The following FOXP2 variants were observed in gnomAD, a reference collection of about 807,000 sequenced individuals.
The protein encoded by FOXP2 is forkhead box P2.
FOXP2 carries 12 observed loss-of-function variants against 115.8 expected under a neutral mutation model. The ratio of observed to expected loss-of-function variants is 0.10; its 90% confidence interval spans 0.07 to 0.17. FOXP2 has a LOEUF of 0.17. FOXP2 is among the 10% of genes least tolerant of loss of function. FOXP2 has a pLI of 1.00. For synonymous variants in FOXP2, 328 were observed against 297.7 expected, an observed-to-expected ratio of 1.10 and a Z score of -1.05; for missense variants, 629 against 843.5, an observed-to-expected ratio of 0.75 and a Z score of 3.15.
intron 2 of FOXP2, among the ~76,000 whole-genome samples, chr7:114,330,000 T>C (rs1281316901): frequency 1.3e-5 from 2 of 152,130 alleles, no homozygotes; most frequent in Admixed American, 1.3e-4. Flanking sequence ...CTTTTAGTTG[T>C]TATAGTTACA....
chr7:114,386,133 A>G (rs1792445366), intron 2 of FOXP2, among the ~76,000 whole-genome samples: 1 of 152,174 alleles, frequency 6.6e-6, no homozygotes, highest in Admixed American at 6.5e-5. Flanking sequence ...ATCCAGAGGG[A>G]TGGGAGTCGG....
intron 3 of FOXP2, among the ~76,000 whole-genome samples, chr7:114,556,504 A>C (rs970284544): frequency 1.3e-5 from 2 of 152,328 alleles, no homozygotes; most frequent in Non-Finnish European, 2.9e-5. Flanking sequence ...AGTAAAAGAG[A>C]TGCTGGTACT....
chr7:114,470,212 G>A (rs190473884), intron 2 of FOXP2, among the ~76,000 whole-genome samples: 1 of 152,140 alleles, frequency 6.6e-6, no homozygotes, highest in East Asian at 1.9e-4. Context: ...TGCTCTCTTA[G>A]CTGCAACTTG....
At position 114,653,911 on chromosome 7, in the gene FOXP2, A is replaced by G. The variant is rs1806428255; in HGVS notation, c.1183-15A>G. The G allele has an allele frequency of 6.2e-7, 1 of 1,611,524 alleles. No homozygotes were observed. Among genetic ancestry groups the G allele is most frequent in the East Asian group, 2.2e-5 (1 of 44,826 alleles). ...TCATTTCTAAAACGCTTCTGATCTC[A>G]CTCTTTCTTAACAGCTTTCTAAAGA... On this transcript the variant is annotated splice_polypyrimidine_tract_variant and intron_variant, in intron 9 of 16. Coordinates refer to ENST00000350908, the MANE Select transcript of FOXP2 (RefSeq NM_014491.4).
Position 114,662,184 on chromosome 7 carries a change from A to G in FOXP2, c.1767A>G (p.Thr589=). The part of the protein sequence containing the change: ...EYQKRRSQKI[T]GSPTLVKNIP... ...AGAAGCGAAGGTCACAAAAGATAAC[A>G]GGGTATGTTTGTGATAGTTTTGTAA... is the stretch of plus-strand genomic sequence containing the variant. Residue 589 remains threonine, a splice_region_variant and synonymous_variant, in exon 14 of 17, where the codon ACA becomes ACG. Transcript: ENST00000350908. The G allele has an allele frequency of 6.2e-7, 1 of 1,612,524 alleles. No homozygotes were observed. Among genetic ancestry groups the G allele is most frequent in the African/African-American group, 1.3e-5 (1 of 74,960 alleles).
rs1437655777 is a variant in FOXP2, at chr7:114,120,134, G to T, written c.-247+32296G>T. 3.3e-5 allele frequency among the ~76,000 whole-genome samples: 5 copies of T among 152,232 alleles called. No individual in the cohort carries two copies. The East Asian group carries it at 7.7e-4, about 24-fold the overall frequency. On this transcript the variant is annotated intron_variant, in intron 1 of 19. Transcript: ENST00000635638. ...TAGGTGGATGAGCAGCAGAGTCTCA[G>T]AGTGGCTAATTACAGTAATTCACTT...
At position 114,275,349 on chromosome 7, in the gene FOXP2, T is replaced by C. The variant is rs577391508; in HGVS notation, c.-101-12670T>C. Among the ~76,000 whole-genome samples, 4 of 152,316 alleles carry C rather than the reference T, an allele frequency of 2.6e-5. No individual in the cohort carries two copies. In the South Asian group the frequency reaches 8.3e-4, roughly 32 times the overall value. On this transcript the variant is annotated intron_variant, in intron 1 of 17. Transcript: ENST00000634411. ...TCTTAAATACTCTGTTTTGTTTTCT[T>C]TAATCTTTATTCTCTTTGCTTTTTA...
intron 2 of FOXP2, among the ~76,000 whole-genome samples, chr7:114,392,099 C>A (rs1698520152): frequency 6.6e-6 from 1 of 152,072 alleles, no homozygotes; most frequent in South Asian, 2.1e-4. Context: ...TCACAATGCC[C>A]AAGAAGAAGT....
rs116807626 is a variant in FOXP2, at chr7:114,186,796, C to T, written c.-102+23708C>T. On this transcript the variant is annotated intron_variant, in intron 1 of 17. Coordinates refer to the FOXP2 transcript ENST00000634411. ...GCACTGTATACATCTGCAGAGTTAG[C>T]GCCATGTGGACACTGCCAAGGTTTA... Among the ~76,000 whole-genome samples, 602 of 152,252 alleles carry T rather than the reference C, an allele frequency of 4.0e-3. 2 individuals are homozygous for T. Among genetic ancestry groups the T allele is most frequent in the African/African-American group, 0.014 (563 of 41,552 alleles).
chr7:114,087,907 G>C (rs1256400991), intron 1 of FOXP2: 1 of 152,156 alleles, frequency 6.6e-6, no homozygotes, highest in Non-Finnish European at 1.5e-5. Flanking sequence ...GGGAAGAACG[G>C]GTGCAAGTCT....
At chr7:114,360,545 A>T (rs572196171) in intron 2 of FOXP2, among the ~76,000 whole-genome samples, 1 of 152,124 alleles carries the variant, frequency 6.6e-6, no homozygotes, top group East Asian at 1.9e-4. Context: ...CTACTCCCAA[A>T]CCTTCCCTAT....
chr7:114,484,207 G>A (rs1165422102), intron 2 of FOXP2, among the ~76,000 whole-genome samples: 2 of 151,768 alleles, frequency 1.3e-5, no homozygotes, highest in Non-Finnish European at 3.0e-5. Context: ...CATTTTTTAA[G>A]TGTAGATTAG....
At chr7:114,555,064 C>G (rs1800393050) in intron 3 of FOXP2, among the ~76,000 whole-genome samples, 2 of 152,144 alleles carry the variant, frequency 1.3e-5, no homozygotes, top group Admixed American at 1.3e-4. Flanking sequence ...TTTCACAAGT[C>G]AGATGTTCCC....
At chr7:114,168,476 C>A (rs1440293773) in intron 1 of FOXP2, among the ~76,000 whole-genome samples, 1 of 152,016 alleles carries the variant, frequency 6.6e-6, no homozygotes, top group Non-Finnish European at 1.5e-5. Flanking sequence ...ATTTTTGGAA[C>A]TTTGAACTTG....
At chr7:114,264,469 C>T (rs1486016296) in intron 1 of FOXP2, among the ~76,000 whole-genome samples, 3 of 152,142 alleles carry the variant, frequency 2.0e-5, no homozygotes, top group South Asian at 4.1e-4. Context: ...TAAACAACGT[C>T]TGCACTTTAA....
chr7:114,124,605 T>A (rs1352566424), intron 1 of FOXP2, among the ~76,000 whole-genome samples: 2 of 152,072 alleles, frequency 1.3e-5, no homozygotes, highest in African/African-American at 2.4e-5. Context: ...GTTTTATCTA[T>A]TTTTGTCCAA....
At chr7:114,602,232 A>G (rs1803070501) in intron 3 of FOXP2, among the ~76,000 whole-genome samples, 1 of 152,014 alleles carries the variant, frequency 6.6e-6, no homozygotes, top group African/African-American at 2.4e-5. Context: ...CCATTCTGAA[A>G]TATCCTTAAT....
At chr7:114,244,630 C>CTATT (rs1262090571) in intron 1 of FOXP2, among the ~76,000 whole-genome samples, 1 of 151,956 alleles carries the variant, frequency 6.6e-6, no homozygotes, top group Non-Finnish European at 1.5e-5. Flanking sequence ...ATCTTTATAC[C>CTATT]TATTTCTATT....
rs1266710600 is a variant in FOXP2 at position 114,532,998 on chromosome 7, AT to A, written c.169-1612del. ...CCTTGTGATAATAAAGTAATTACAG[AT>A]TTTTTTGTTTGTATTTTCAAACTGA... On this transcript the variant is annotated intron_variant, in intron 2 of 16. Coordinates refer to ENST00000350908, the MANE Select transcript of FOXP2 (RefSeq NM_014491.4). Among the ~76,000 whole-genome samples the A allele has an allele frequency of 5.9e-5, 9 of 152,030 alleles. No individual in the cohort carries two copies. The South Asian group carries it at 1.7e-3, about 28-fold the overall frequency.
Sources: gnomAD v4.1 joint callset for allele counts (sites outside exome capture counted in the v4.1 genomes callset) on GRCh38, gnomAD v4.1.1 for gene constraint, MANE v1.5 for transcripts, NCBI Gene and HGNC (gene_info 2026-07-23, HGNC 2026-07-21) for gene names.